PPP1R16B: variants seen among roughly 807,000 people sequenced by gnomAD.
The protein encoded by PPP1R16B is protein phosphatase 1 regulatory subunit 16B, also known as protein phosphatase 1 regulatory inhibitor subunit 16B.
A neutral mutation model predicts 61.7 loss-of-function variants in PPP1R16B; 14 were observed. The ratio of observed to expected loss-of-function variants is 0.23; its 90% confidence interval spans 0.15 to 0.35. The LOEUF is 0.35. PPP1R16B is among the 10% of genes least tolerant of loss of function. The pLI is 1.00. For missense variants in PPP1R16B, 547 were observed against 752.5 expected, an observed-to-expected ratio of 0.73 and a Z score of 3.19; for synonymous variants, 266 against 305.3, an observed-to-expected ratio of 0.87 and a Z score of 1.34.
rs778975403 is a variant in PPP1R16B at position 38,907,394 on chromosome 20, A to G, written c.898+340A>G. Among the ~76,000 whole-genome samples, 3 of 152,120 alleles carry G rather than the reference A, an allele frequency of 2.0e-5. No individual in the cohort carries two copies. ...GAGTGGGTAAAGGATGAATCTATGA[A>G]TACATGGCTCAGTCAGCAATAGGTA... is the stretch of plus-strand genomic sequence containing the variant. On this transcript the variant is annotated intron_variant, in intron 8 of 10. Transcript: ENST00000299824. This position sits in a 1 kb window ranked among gnomAD's most constrained non-coding sequence, Gnocchi z 4.5.
chr20:38,836,775 G>A (rs921658454), intron 2 of PPP1R16B, among the ~76,000 whole-genome samples: 22 of 152,082 alleles, frequency 1.4e-4, no homozygotes, highest in African/African-American at 4.8e-4. Context: ...AGGGATCCTC[G>A]TGCCTCAGCC....
At chr20:38,908,636 T>C (rs546937303) in intron 10 of PPP1R16B, among the ~76,000 whole-genome samples, 4 of 152,324 alleles carry the variant, frequency 2.6e-5, no homozygotes, top group Admixed American at 6.5e-5. Context: ...AACATGTTTT[T>C]TGAAAAATGG....
intron 2 of PPP1R16B, among the ~76,000 whole-genome samples, chr20:38,878,977 A>G (rs1331255470): frequency 6.6e-6 from 1 of 152,170 alleles, no homozygotes; most frequent in African/African-American, 2.4e-5. Context: ...GAATTGGGAT[A>G]AGAGCAGATA....
At chr20:38,815,048 T>C (rs2084726542) in intron 1 of PPP1R16B, among the ~76,000 whole-genome samples, 1 of 152,208 alleles carries the variant, frequency 6.6e-6, no homozygotes, top group South Asian at 2.1e-4. Context: ...ATTTTTTTTC[T>C]TTTATATATA....
chr20:38,830,764 C>T (rs906286555), intron 1 of PPP1R16B, among the ~76,000 whole-genome samples: 2 of 152,172 alleles, frequency 1.3e-5, no homozygotes, highest in Admixed American at 6.5e-5. Context: ...GTCCATGTTA[C>T]GTCAAGGCTT....
intron 2 of PPP1R16B, among the ~76,000 whole-genome samples, chr20:38,845,450 AAAAT>A (rs917105119): frequency 6.6e-6 from 1 of 152,210 alleles, no homozygotes; most frequent in Non-Finnish European, 1.5e-5. Context: ...CTGTCCCTAA[AAAAT>A]AAATAAACAA....
At chr20:38,877,242 T>G (rs1209862909) in intron 2 of PPP1R16B, among the ~76,000 whole-genome samples, 5 of 152,206 alleles carry the variant, frequency 3.3e-5, no homozygotes, top group Non-Finnish European at 7.3e-5. Context: ...GTCTGCCCTC[T>G]GATCTTTTCT....
chr20:38,835,704 C>T (rs550085232), intron 1 of PPP1R16B, 121 bp from the exon 2 acceptor site: 25 of 567,376 alleles, frequency 4.4e-5, no homozygotes, highest in Non-Finnish European at 6.9e-5. Flanking sequence ...TTGCACTTCT[C>T]TTGAGGAGCA....
chr20:38,840,152 G>A (rs1451873783), intron 2 of PPP1R16B, among the ~76,000 whole-genome samples: 1 of 152,188 alleles, frequency 6.6e-6, no homozygotes, highest in African/African-American at 2.4e-5. Flanking sequence ...CAGCTTCCTG[G>A]CAGCACTACA....
chr20:38,855,608 G>A (rs1363297292), intron 2 of PPP1R16B, among the ~76,000 whole-genome samples: 2 of 152,024 alleles, frequency 1.3e-5, no homozygotes, highest in African/African-American at 4.8e-5. Context: ...AGCTCTCCCA[G>A]CTTTCAGGAG....
At chr20:38,821,556 G>A (rs200856624) in intron 1 of PPP1R16B, among the ~76,000 whole-genome samples, 1 of 152,164 alleles carries the variant, frequency 6.6e-6, no homozygotes, top group Non-Finnish European at 1.5e-5. Context: ...TGCCCCAAAG[G>A]CTGCCTAGAC....
At chr20:38,862,422 G>T (rs1043294124) in intron 2 of PPP1R16B, among the ~76,000 whole-genome samples, 2 of 152,172 alleles carry the variant, frequency 1.3e-5, no homozygotes, top group African/African-American at 4.8e-5. Context: ...ACAGCTCCGA[G>T]TGCTCAAGTT....
rs1453937030 is a variant in PPP1R16B at position 38,865,578 on chromosome 20, G to A, written c.251-24017G>A. Among the ~76,000 whole-genome samples, 4 of 152,184 alleles carry A rather than the reference G, an allele frequency of 2.6e-5. 1 individual carries two copies. The East Asian group carries it at 5.8e-4, about 22-fold the overall frequency. ...AGCACTGGGATTACAGGCGTGAGCC[G>A]CCGCGCCCGGCCTGCTGCATTCTTT... On this transcript the variant is annotated intron_variant, in intron 2 of 10. Transcript: ENST00000299824.
rs181982714 is a variant in PPP1R16B at position 38,873,424 on chromosome 20, G to A, written c.251-16171G>A. On this transcript the variant is annotated intron_variant, in intron 2 of 10. Coordinates refer to ENST00000299824, the MANE Select transcript of PPP1R16B (RefSeq NM_015568.4). ...TGGGGGCACTCATTATGTATGCTGC[G>A]TAACAAATCACCCCAAAAGGTGTTA... 7.2e-5 allele frequency among the ~76,000 whole-genome samples: 11 copies of A among 152,252 alleles called. No homozygotes were observed. The East Asian group carries it at 1.5e-3, about 21-fold the overall frequency.
At chr20:38,821,316 G>C (rs1265503908) in intron 1 of PPP1R16B, among the ~76,000 whole-genome samples, 1 of 152,212 alleles carries the variant, frequency 6.6e-6, no homozygotes, top group Admixed American at 6.5e-5. Context: ...TGTCAAACCT[G>C]ACAGCCTGCC....
Position 38,891,665 on chromosome 20 carries a change from G to T in PPP1R16B, c.321+2000G>T, listed in dbSNP as rs894109172. On this transcript the variant is annotated intron_variant, in intron 3 of 10. Coordinates refer to ENST00000299824, the MANE Select transcript of PPP1R16B (RefSeq NM_015568.4). ...AAATACAAAAATTAGCTGGAATTTGGTGGTGAGTGTCTCTAATCCCAGCTA... is the reference window on the plus strand; with the variant it reads ...AAATACAAAAATTAGCTGGAATTTGTTGGTGAGTGTCTCTAATCCCAGCTA... Among the ~76,000 whole-genome samples, 185 of 152,222 alleles carry T rather than the reference G, an allele frequency of 1.2e-3. 1 individual carries two copies. The highest frequency in any genetic ancestry group is 4.1e-3 in the African/African-American group (170 of 41,546).
At chr20:38,838,959 G>T (rs912553517) in intron 2 of PPP1R16B, among the ~76,000 whole-genome samples, 2 of 152,316 alleles carry the variant, frequency 1.3e-5, no homozygotes, top group Admixed American at 1.3e-4. Flanking sequence ...ACGAAGTCTC[G>T]CTCTGTCGCC....
chr20:38,851,651 T>C (rs530375926), intron 2 of PPP1R16B, among the ~76,000 whole-genome samples: 80 of 152,270 alleles, frequency 5.3e-4, no homozygotes, highest in Admixed American at 5.2e-3. Flanking sequence ...CCAGACCACC[T>C]TGGAGCTCAG....
chr20:38,894,335 C>A (rs1255086337), intron 3 of PPP1R16B, among the ~76,000 whole-genome samples: 1 of 152,206 alleles, frequency 6.6e-6, no homozygotes, highest in Non-Finnish European at 1.5e-5. Context: ...CCTGCTCCTT[C>A]TGTTGGCGTC....
Sources: gnomAD v4.1 joint callset for allele counts (sites outside exome capture counted in the v4.1 genomes callset) on GRCh38, gnomAD v4.1.1 for gene constraint, Gnocchi (gnomAD v3.1) non-coding constraint, MANE v1.5 for transcripts, NCBI Gene and HGNC (gene_info 2026-07-23, HGNC 2026-07-21) for gene names.